The following MORC1 variants were observed in gnomAD, a reference collection of about 807,000 sequenced individuals.
The protein encoded by MORC1 is MORC family CW-type zinc finger protein 1.
Under a neutral mutation model 134.9 loss-of-function variants are expected in MORC1, and 59 were observed. That is an observed-to-expected ratio of 0.44 (90% CI 0.35 to 0.54). The LOEUF (loss-of-function observed/expected upper bound fraction) is 0.54. Among genes scored for constraint, MORC1 ranks in the 20% least tolerant of loss-of-function variants. The pLI is 0.00. For missense variants in MORC1, 947 were observed against 1,134.5 expected, an observed-to-expected ratio of 0.83 and a Z score of 2.37; for synonymous variants, 395 against 391.7, an observed-to-expected ratio of 1.01 and a Z score of -0.10.
At chr3:109,087,372 G>A (rs532538581) in intron 8 of MORC1, among the ~76,000 whole-genome samples, 2 of 152,138 alleles carry the variant, frequency 1.3e-5, no homozygotes, top group African/African-American at 4.8e-5. Context: ...AACAACTTTA[G>A]CAAAGTTACA....
At chr3:109,104,050 G>A in intron 3 of MORC1, 133 bp from the exon 4 acceptor site, 1 of 765,506 alleles carries the variant, frequency 1.3e-6, no homozygotes, top group Non-Finnish European at 2.2e-6. Flanking sequence ...CAAAGATGGA[G>A]CCTAGAGTGG....
chr3:109,082,488 T>C (rs915928031), intron 8 of MORC1, among the ~76,000 whole-genome samples: 23 of 152,044 alleles, frequency 1.5e-4, no homozygotes, highest in African/African-American at 5.6e-4. Flanking sequence ...AGCTCTCGGA[T>C]AAAGAATTAA....
chr3:109,088,342 T>G (rs990406438), intron 8 of MORC1, among the ~76,000 whole-genome samples: 1 of 152,102 alleles, frequency 6.6e-6, no homozygotes, highest in Non-Finnish European at 1.5e-5. Flanking sequence ...AAAGGTCTAA[T>G]ATCGAGCATC....
At chr3:109,074,620 A>G (rs1206161364) in intron 8 of MORC1, among the ~76,000 whole-genome samples, 2 of 152,240 alleles carry the variant, frequency 1.3e-5, no homozygotes, top group Non-Finnish European at 2.9e-5. Flanking sequence ...TGGAACTGAC[A>G]TCGAGAGTCT....
At chr3:109,038,514 T>C (rs1360312599) in intron 14 of MORC1, among the ~76,000 whole-genome samples, 1 of 152,194 alleles carries the variant, frequency 6.6e-6, no homozygotes, top group Admixed American at 6.5e-5. Context: ...CCTTTGTCCA[T>C]GCCTATGTCC....
chr3:109,021,435 A>G (rs1261867097), intron 17 of MORC1, among the ~76,000 whole-genome samples: 1 of 152,206 alleles, frequency 6.6e-6, no homozygotes. Context: ...GAGGGATGTA[A>G]TGTGGCAAGA....
intron 24 of MORC1, among the ~76,000 whole-genome samples, chr3:108,973,634 G>C (rs1445185413): frequency 8.5e-6 from 1 of 117,954 alleles, no homozygotes; most frequent in African/African-American, 3.2e-5. Context: ...TCACTCTGTT[G>C]CTGAGGCTGG....
At chr3:109,091,212 G>C (rs1001997251) in intron 8 of MORC1, among the ~76,000 whole-genome samples, 2 of 151,930 alleles carry the variant, frequency 1.3e-5, no homozygotes, top group South Asian at 2.1e-4. Flanking sequence ...GGCAGGCTGG[G>C]GGAGTAGATC....
intron 3 of MORC1, among the ~76,000 whole-genome samples, chr3:109,106,297 A>G (rs1329540314): frequency 2.6e-5 from 4 of 152,236 alleles, no homozygotes; most frequent in African/African-American, 9.6e-5. Context: ...GCTTGCAGAA[A>G]GAAGGGTATT....
chr3:109,102,161 T>C lies in MORC1; in HGVS notation c.224-1654A>G, dbSNP rs932105055. ...ACAGGAACGTGGCCTGCAGACAGAA[T>C]GATCAGGGAAGGCCACTGGCAGATG... On this transcript the variant is annotated intron_variant, in intron 4 of 27. Coordinates refer to ENST00000232603, the MANE Select transcript of MORC1 (RefSeq NM_014429.4). Among the ~76,000 whole-genome samples, 5 of 152,084 alleles carry C rather than the reference T, an allele frequency of 3.3e-5. No homozygotes were observed. In the East Asian group the frequency reaches 5.8e-4, roughly 18 times the overall value.
At chr3:109,035,894 G>A (rs1263224757) in intron 14 of MORC1, among the ~76,000 whole-genome samples, 1 of 152,116 alleles carries the variant, frequency 6.6e-6, no homozygotes, top group African/African-American at 2.4e-5. Context: ...CAGAGGTGGG[G>A]TTTTTAATCT....
chr3:109,048,499 C>A (rs979644011), intron 14 of MORC1, among the ~76,000 whole-genome samples: 1 of 152,114 alleles, frequency 6.6e-6, no homozygotes, highest in Non-Finnish European at 1.5e-5. Flanking sequence ...TATAGAGTTT[C>A]ATTATAATAT....
intron 16 of MORC1, among the ~76,000 whole-genome samples, chr3:109,029,801 T>C (rs1424734969): frequency 2.0e-5 from 3 of 152,348 alleles, no homozygotes; most frequent in Admixed American, 6.5e-5. Context: ...TGAATGAAAC[T>C]AGGCTTCCTG....
At chr3:109,083,478 T>C (rs1023173493) in intron 8 of MORC1, among the ~76,000 whole-genome samples, 3 of 152,038 alleles carry the variant, frequency 2.0e-5, no homozygotes, top group African/African-American at 7.2e-5. Flanking sequence ...TGTTAAGAGA[T>C]AGTAATATAG....
intron 9 of MORC1, 33 bp downstream of exon 9, chr3:109,069,599 C>A: frequency 6.5e-7 from 1 of 1,531,472 alleles, no homozygotes; most frequent in Non-Finnish European, 8.8e-7. Context: ...TAAATAAAAA[C>A]TCTGTGAAGA....
intron 3 of MORC1, among the ~76,000 whole-genome samples, 166 bp from the exon 4 acceptor site, chr3:109,104,083 G>A (rs1950978255): frequency 6.6e-6 from 1 of 152,174 alleles, no homozygotes; most frequent in South Asian, 2.1e-4. Context: ...AGCTTCACAA[G>A]AAACTGCAGG....
intron 2 of MORC1, 146 bp downstream of exon 2, chr3:109,114,238 T>A: frequency 1.6e-6 from 1 of 625,924 alleles, no homozygotes; most frequent in East Asian, 3.2e-5. Flanking sequence ...TCCTTTTTCC[T>A]AGAACACCTT....
intron 8 of MORC1, among the ~76,000 whole-genome samples, chr3:109,091,803 G>C (rs1950735686): frequency 6.6e-6 from 1 of 152,144 alleles, no homozygotes; most frequent in Non-Finnish European, 1.5e-5. Context: ...AAACAAATTA[G>C]AAAATCCAGT....
At chr3:109,101,686 T>A (rs1164231780) in intron 4 of MORC1, 2 of 152,224 alleles carry the variant, frequency 1.3e-5, no homozygotes, top group South Asian at 4.1e-4. Context: ...CACTTATTGA[T>A]TGTTTAGTAT....
Sources: gnomAD v4.1 joint callset for allele counts (sites outside exome capture counted in the v4.1 genomes callset) on GRCh38, gnomAD v4.1.1 for gene constraint, MANE v1.5 for transcripts, NCBI Gene and HGNC (gene_info 2026-07-23, HGNC 2026-07-21) for gene names.